TCF4: variants seen among roughly 807,000 people sequenced by gnomAD.
The protein encoded by TCF4 is SL3-3 enhancer factor 2.
A neutral mutation model predicts 82.1 loss-of-function variants in TCF4; 3 were observed. The observed-to-expected ratio is 0.04, with a 90% CI of 0.02 to 0.09. The LOEUF (loss-of-function observed/expected upper bound fraction) is 0.09. Among genes scored for constraint, TCF4 ranks in the 10% least tolerant of loss-of-function variants. TCF4 has a pLI of 1.00. For synonymous variants in TCF4, 276 were observed against 309.6 expected (o/e 0.89, Z 1.14); for missense variants, 518 against 852.7 (o/e 0.61, Z 4.89).
intron 3 of TCF4, among the ~76,000 whole-genome samples, chr18:55,578,084 G>A (rs1364745870): frequency 6.6e-6 from 1 of 152,050 alleles, no homozygotes; most frequent in Non-Finnish European, 1.5e-5. Flanking sequence ...TTACAGCCCT[G>A]ATATTTAATC....
chr18:55,468,388 A>G (rs558830674), intron 3 of TCF4, among the ~76,000 whole-genome samples: 1 of 152,340 alleles, frequency 6.6e-6, no homozygotes, highest in Admixed American at 6.5e-5. Context: ...CAGGAGAAGC[A>G]TACCTAATCC....
chr18:55,527,148 G>T (rs916487165), intron 3 of TCF4, among the ~76,000 whole-genome samples: 1 of 152,186 alleles, frequency 6.6e-6, no homozygotes, highest in Non-Finnish European at 1.5e-5. Flanking sequence ...CAAGAAGTCT[G>T]CAAAGCCCAC....
intron 11 of TCF4, chr18:55,268,275 G>A (rs549544361): frequency 6.6e-6 from 1 of 152,220 alleles, no homozygotes; most frequent in East Asian, 1.9e-4. Flanking sequence ...AAGGATGAAT[G>A]ACCGGTCATC....
intron 9 of TCF4, 127 bp downstream of exon 9, chr18:55,279,424 A>G (rs1266269104): frequency 1.3e-5 from 18 of 1,403,600 alleles, no homozygotes; most frequent in Non-Finnish European, 1.6e-5. Context: ...TCAATTCCTA[A>G]GAAGAGCATG....
chr18:55,384,236 A>G (rs2092359913), intron 6 of TCF4: 1 of 152,224 alleles, frequency 6.6e-6, no homozygotes. Context: ...TGAAAAGGAG[A>G]AAAGATGGCC....
At chr18:55,560,174 T>A (rs1158004306) in intron 3 of TCF4, among the ~76,000 whole-genome samples, 1 of 152,182 alleles carries the variant, frequency 6.6e-6, no homozygotes. Flanking sequence ...ACGATTTCCG[T>A]AAATGAAGTT....
intron 2 of TCF4, among the ~76,000 whole-genome samples, chr18:55,595,458 G>A (rs1017938524): frequency 2.0e-5 from 3 of 152,176 alleles, no homozygotes; most frequent in Admixed American, 1.3e-4. Flanking sequence ...AACACACTGC[G>A]TAGTGCATAA....
intron 3 of TCF4, among the ~76,000 whole-genome samples, chr18:55,520,959 G>A (rs1047001560): frequency 2.0e-5 from 3 of 152,056 alleles, no homozygotes; most frequent in Non-Finnish European, 4.4e-5. Flanking sequence ...TATCCAGTTT[G>A]TGAAATACCT....
intron 8 of TCF4, among the ~76,000 whole-genome samples, chr18:55,341,277 G>C (rs1043343062): frequency 6.6e-6 from 1 of 152,070 alleles, no homozygotes; most frequent in Admixed American, 6.6e-5. Context: ...CCGCAGACAT[G>C]TTTCTTCACC....
At position 55,291,938 on chromosome 18, in the gene TCF4, A is replaced by C. The variant is rs1261126; in HGVS notation, c.550-12282T>G. 4.1e-3 allele frequency among the ~76,000 whole-genome samples: 621 copies of C among 152,304 alleles called. 6 individuals carry two copies. Among genetic ancestry groups the C allele is most frequent in the African/African-American group, 0.014 (596 of 41,558 alleles). On this transcript the variant is annotated intron_variant, in intron 8 of 19. Transcript: ENST00000354452. ...AGTAGCCTTTTGTATAAACCATATG[A>C]GCTAAAGAAATGTAAAGGAAGTTAT...
chr18:55,616,821 T>G (rs1167133022), intron 2 of TCF4, among the ~76,000 whole-genome samples: 1 of 152,134 alleles, frequency 6.6e-6, no homozygotes, highest in Non-Finnish European at 1.5e-5. Flanking sequence ...AGGAGTTCCC[T>G]ATATACTTTT....
intron 3 of TCF4, among the ~76,000 whole-genome samples, chr18:55,527,475 A>C (rs2096999852): frequency 6.6e-6 from 1 of 152,172 alleles, no homozygotes; most frequent in African/African-American, 2.4e-5. Context: ...AAAAATTCAC[A>C]TCCCTGGTTC....
At chr18:55,579,301 A>G (rs913585731) in intron 3 of TCF4, among the ~76,000 whole-genome samples, 1 of 151,848 alleles carries the variant, frequency 6.6e-6, no homozygotes, top group Non-Finnish European at 1.5e-5. Context: ...CCTGGTGGTC[A>G]GTTGTGAAAA....
At chr18:55,501,473 T>A (rs1362368618) in intron 3 of TCF4, among the ~76,000 whole-genome samples, 3 of 152,160 alleles carry the variant, frequency 2.0e-5, no homozygotes, top group Non-Finnish European at 2.9e-5. Context: ...ATAAAGCAAC[T>A]GAAAAGATGA....
At chr18:55,341,856 G>A (rs978952222) in intron 8 of TCF4, among the ~76,000 whole-genome samples, 1 of 152,102 alleles carries the variant, frequency 6.6e-6, no homozygotes, top group Non-Finnish European at 1.5e-5. Context: ...TTCTCAAAAG[G>A]CTACACGGTA....
At chr18:55,394,568 G>A (rs948583785) in intron 6 of TCF4, among the ~76,000 whole-genome samples, 1 of 152,146 alleles carries the variant, frequency 6.6e-6, no homozygotes, top group Non-Finnish European at 1.5e-5. Flanking sequence ...AGTGCCGGGC[G>A]AAAGTCGCTC....
At chr18:55,426,816 A>T (rs1335016422) in intron 5 of TCF4, among the ~76,000 whole-genome samples, 1 of 152,164 alleles carries the variant, frequency 6.6e-6, no homozygotes, top group African/African-American at 2.4e-5. Flanking sequence ...ATATACAAAC[A>T]TATACAAACA....
chr18:55,231,012 C>T (rs1234940650), intron 17 of TCF4: 3 of 152,272 alleles, frequency 2.0e-5, no homozygotes, highest in Admixed American at 6.5e-5. Context: ...GCACTGTCTG[C>T]CACAGGTGTG....
At chr18:55,583,834 A>C (rs1013948884) in intron 3 of TCF4, among the ~76,000 whole-genome samples, 3 of 152,090 alleles carry the variant, frequency 2.0e-5, no homozygotes, top group Admixed American at 6.6e-5. Context: ...TTACCTTTAC[A>C]TCAAACATGC....
Sources: allele counts gnomAD v4.1 joint callset (sites outside exome capture counted in the v4.1 genomes callset), GRCh38; gene constraint gnomAD v4.1.1; transcripts MANE v1.5; gene names NCBI Gene and HGNC (gene_info 2026-07-23, HGNC 2026-07-21).